Variants in RNLS observed in about 807,000 individuals in gnomAD.
The protein encoded by RNLS is renalase, FAD dependent amine oxidase, also known as renalase.
RNLS carries 39 observed loss-of-function variants against 39.8 expected under a neutral mutation model. The ratio of observed to expected loss-of-function variants is 0.98; its 90% CI spans 0.76 to 1.28. RNLS has a LOEUF of 1.28. Among genes scored for constraint, RNLS ranks in the 50% most tolerant of loss-of-function variants. RNLS has a pLI of 0.00. For synonymous variants in RNLS, 147 were observed against 150.7 expected, an observed-to-expected ratio of 0.98 and a Z score of 0.18; for missense variants, 410 against 413.3, an observed-to-expected ratio of 0.99 and a Z score of 0.07.
intron 4 of RNLS, among the ~76,000 whole-genome samples, chr10:88,484,544 T>C (rs1047123419): frequency 3.9e-5 from 6 of 152,132 alleles, no homozygotes; most frequent in Middle Eastern, 3.4e-3. Context: ...AAAGAACTTA[T>C]GAGTTCAGTC....
At chr10:88,223,662 A>G in the RNLS span, among the ~76,000 whole-genome samples, 139 of 152,270 alleles carry the variant, frequency 9.1e-4, no homozygotes, top group African/African-American at 3.2e-3. Flanking sequence ...TATGTCTTTT[A>G]GTTTTCTTCT....
intron 4 of RNLS, among the ~76,000 whole-genome samples, chr10:88,443,405 T>C (rs1841839449): frequency 6.6e-6 from 1 of 151,788 alleles, no homozygotes; most frequent in African/African-American, 2.4e-5. Context: ...AGAAGACGGG[T>C]GATTTCTGCA....
the RNLS span, among the ~76,000 whole-genome samples, chr10:88,213,011 T>C: frequency 6.6e-6 from 1 of 152,192 alleles, no homozygotes; most frequent in East Asian, 1.9e-4. Context: ...AGAAAAAATT[T>C]TGGCTTTTGC....
chr10:88,334,254 G>A (rs988998461), intron 5 of RNLS, among the ~76,000 whole-genome samples: 8 of 152,156 alleles, frequency 5.3e-5, no homozygotes, highest in African/African-American at 1.7e-4. Context: ...TAATCTGTTA[G>A]TTTAAAACAT....
the RNLS span, among the ~76,000 whole-genome samples, chr10:88,208,496 C>T: frequency 7.7e-3 from 1,178 of 152,096 alleles, 11 homozygotes; most frequent in African/African-American, 0.026. Context: ...ACTGTAGTTA[C>T]AATAATGTAG....
chr10:88,575,282 GTA>G (rs534423514), intron 3 of RNLS, among the ~76,000 whole-genome samples: 5 of 135,852 alleles, frequency 3.7e-5, no homozygotes, highest in Admixed American at 1.5e-4. Context: ...GTGTGTGTGT[GTA>G]TATATATATA....
At chr10:88,380,264 T>C (rs1299923293) in intron 4 of RNLS, among the ~76,000 whole-genome samples, 1 of 152,208 alleles carries the variant, frequency 6.6e-6, no homozygotes, top group African/African-American at 2.4e-5. Context: ...GTTACCTATA[T>C]TGCAAATGTA....
intron 6 of RNLS, among the ~76,000 whole-genome samples, chr10:88,312,628 G>A (rs542178880): frequency 7.2e-5 from 11 of 152,270 alleles, no homozygotes; most frequent in East Asian, 3.9e-4. Flanking sequence ...GTGAGGCTTC[G>A]TGTGCTCATC....
intron 4 of RNLS, among the ~76,000 whole-genome samples, chr10:88,389,067 T>C (rs1284451384): frequency 1.3e-5 from 2 of 152,150 alleles, no homozygotes; most frequent in African/African-American, 4.8e-5. Context: ...CTATGGAATC[T>C]TGCCACCATG....
chr10:88,228,578 TAAGG>T, the RNLS span, among the ~76,000 whole-genome samples: 5 of 152,224 alleles, frequency 3.3e-5, no homozygotes, highest in African/African-American at 1.2e-4. Context: ...ACAACTTCCA[TAAGG>T]AAGTGCCACT....
intron 5 of RNLS, among the ~76,000 whole-genome samples, chr10:88,316,630 C>T (rs951431795): frequency 2.6e-5 from 4 of 152,038 alleles, no homozygotes; most frequent in African/African-American, 4.8e-5. Context: ...GCTATTTGTT[C>T]CAGGGGAAAC....
intron 4 of RNLS, among the ~76,000 whole-genome samples, chr10:88,390,920 A>G (rs1852158704): frequency 6.6e-6 from 1 of 152,242 alleles, no homozygotes; most frequent in Non-Finnish European, 1.5e-5. Flanking sequence ...TACATAAAAA[A>G]TTAAATATTT....
chr10:88,565,042 C>A (rs1849415289), intron 4 of RNLS, among the ~76,000 whole-genome samples: 1 of 152,186 alleles, frequency 6.6e-6, no homozygotes, highest in Non-Finnish European at 1.5e-5. Flanking sequence ...AAGCTACAGA[C>A]GTGGCTGTTC....
chr10:88,428,585 C>T (rs1854950139), intron 4 of RNLS, among the ~76,000 whole-genome samples: 1 of 151,940 alleles, frequency 6.6e-6, no homozygotes, highest in South Asian at 2.1e-4. Context: ...AGGACAGTCA[C>T]AAATGTGTAA....
chr10:88,172,860 T>TTTTTTTTTG, the RNLS span, among the ~76,000 whole-genome samples: 1 of 82,180 alleles, frequency 1.2e-5, no homozygotes, highest in Non-Finnish European at 2.8e-5. Flanking sequence ...TTTTTTTTTT[T>TTTTTTTTTG]TTTTTTTTTT....
the RNLS span, among the ~76,000 whole-genome samples, chr10:88,216,097 C>T: frequency 6.6e-6 from 1 of 152,122 alleles, no homozygotes; most frequent in Non-Finnish European, 1.5e-5. Context: ...TTGTAGAGTT[C>T]ATAAAAGCTA....
intron 4 of RNLS, among the ~76,000 whole-genome samples, chr10:88,475,698 C>T (rs1436323144): frequency 6.6e-6 from 1 of 152,118 alleles, no homozygotes; most frequent in Non-Finnish European, 1.5e-5. Flanking sequence ...ACAGGAAAAA[C>T]ATGGTCTCTG....
the RNLS span, among the ~76,000 whole-genome samples, chr10:88,256,502 G>A: frequency 6.6e-6 from 1 of 152,316 alleles, no homozygotes; most frequent in East Asian, 1.9e-4. Context: ...AAAACCTTCC[G>A]TCTCCATCCG....
chr10:88,181,436 A>G, the RNLS span, among the ~76,000 whole-genome samples: 4 of 152,210 alleles, frequency 2.6e-5, no homozygotes, highest in Non-Finnish European at 5.9e-5. Flanking sequence ...TCTGACTTAC[A>G]GAACTTTAAT....
Sources: allele counts gnomAD v4.1 joint callset (sites outside exome capture counted in the v4.1 genomes callset), GRCh38; gene constraint gnomAD v4.1.1; transcripts MANE v1.5; gene names NCBI Gene and HGNC (gene_info 2026-07-23, HGNC 2026-07-21).